The following ABHD2 variants were observed in gnomAD, a reference collection of about 807,000 sequenced individuals.
ABHD2 encodes monoacylglycerol lipase ABHD2.
In ABHD2, 20 loss-of-function variants were observed where a neutral mutation model predicts 48.1. The ratio of observed to expected loss-of-function variants is 0.42; its 90% CI spans 0.29 to 0.60. ABHD2 has a LOEUF of 0.60. Among genes scored for constraint, ABHD2 ranks in the 20% least tolerant of loss-of-function variants. ABHD2 has a pLI of 0.24. For missense variants in ABHD2, 405 were observed against 550.9 expected, an observed-to-expected ratio of 0.74 and a Z score of 2.65; for synonymous variants, 209 against 214.2, an observed-to-expected ratio of 0.98 and a Z score of 0.21.
rs1805769186 is a variant in ABHD2 at position 89,201,057 on chromosome 15, G to T, written c.*5634G>T. On this transcript the variant is annotated 3_prime_UTR_variant, in exon 11 of 11. Transcript: ENST00000352732. The stretch of plus-strand genomic sequence containing the variant: ...AGATCACGCCTCTGCACTCCAGCCT[G>T]GGCAACAAGAGTGAGACTCCGTCTC... The T allele has an allele frequency of 2.6e-6, 2 of 759,536 alleles. No homozygotes were observed. The highest frequency in any genetic ancestry group is 1.7e-5 in the African/African-American group (1 of 57,634). The allele number at this position is 759,536 out of a possible 1,614,324, so 47.0% of individuals were successfully genotyped here. A position where few individuals can be genotyped will look rare whatever the true frequency, so the allele number is the denominator to read the frequency against.
the ABHD2 span, among the ~76,000 whole-genome samples, chr15:89,080,840 G>A: frequency 6.6e-5 from 10 of 152,032 alleles, no homozygotes; most frequent in Non-Finnish European, 5.9e-5. Context: ...GATTACAGGC[G>A]TGAGCCACCA....
chr15:89,054,002 C>T, the ABHD2 span, among the ~76,000 whole-genome samples: 363 of 152,184 alleles, frequency 2.4e-3, no homozygotes, highest in African/African-American at 8.5e-3. Flanking sequence ...GCTGCAGAGG[C>T]AGTAGAAAAC....
At chr15:89,113,926 G>A (rs1392089046) in intron 2 of ABHD2, 102 bp downstream of exon 2, 1 of 152,190 alleles carries the variant, frequency 6.6e-6, no homozygotes, top group African/African-American at 2.4e-5. Context: ...AATTCAACAA[G>A]TCCACCCCAA....
At chr15:89,149,816 G>A (rs1274103830) in intron 3 of ABHD2, among the ~76,000 whole-genome samples, 1 of 152,254 alleles carries the variant, frequency 6.6e-6, no homozygotes, top group African/African-American at 2.4e-5. Flanking sequence ...GCGAGTACCA[G>A]GGTGTAGCCG....
chr15:89,065,282 G>A, the ABHD2 span, among the ~76,000 whole-genome samples: 42 of 152,138 alleles, frequency 2.8e-4, 1 homozygote, highest in South Asian at 2.1e-4. Flanking sequence ...CCATCCACCC[G>A]TTATGGCAAA....
intron 2 of ABHD2, among the ~76,000 whole-genome samples, chr15:89,115,313 A>G (rs949724958): frequency 6.7e-6 from 1 of 149,462 alleles, no homozygotes; most frequent in Non-Finnish European, 1.5e-5. Flanking sequence ...AAAATACTGG[A>G]TTTTTGTTGC....
chr15:89,201,377 A>G lies in ABHD2; in HGVS notation c.*5954A>G. ...GTCTTGCTTAGATGCATTCAGTGGG[A>G]CAGCTTTGCTGGGTTCCATGTCATT... is the stretch of plus-strand genomic sequence containing the variant. On this transcript the variant is annotated 3_prime_UTR_variant, in exon 11 of 11. Transcript: ENST00000352732. The G allele has an allele frequency of 1.8e-6, 2 of 1,100,574 alleles. No homozygotes were observed. Among genetic ancestry groups the G allele is most frequent in the Non-Finnish European group, 2.8e-6 (2 of 725,472 alleles). The allele number at this position is 1,100,574 out of a possible 1,614,324, so 68.2% of individuals were successfully genotyped here. A position where few individuals can be genotyped will look rare whatever the true frequency, so the allele number is the denominator to read the frequency against.
At chr15:89,158,032 A>C (rs1412942079) in intron 5 of ABHD2, among the ~76,000 whole-genome samples, 1 of 152,016 alleles carries the variant, frequency 6.6e-6, no homozygotes, top group East Asian at 1.9e-4. Flanking sequence ...TGTCTATACA[A>C]GTAGAAGATG....
chr15:89,127,074 C>T (rs2050140784), intron 3 of ABHD2, among the ~76,000 whole-genome samples: 1 of 152,174 alleles, frequency 6.6e-6, no homozygotes. Context: ...AGTAGTCAGA[C>T]TGAGAAGTGC....
Position 89,151,045 on chromosome 15 carries a change from G to A in ABHD2, c.195-632G>A, listed in dbSNP as rs530809463. Among the ~76,000 whole-genome samples, 6 of 152,350 alleles carry A rather than the reference G, an allele frequency of 3.9e-5. No individual in the cohort carries two copies. Among genetic ancestry groups the A allele is most frequent in the South Asian group, 2.1e-4 (1 of 4,830 alleles). ...TTGTTAGCGAGGCTTCATGCCTTGC[G>A]TAGGCTAACAAGCCTTTATCCTTAA... On this transcript the variant is annotated intron_variant, in intron 3 of 10. Transcript: ENST00000352732. This position sits in a 1 kb window ranked among gnomAD's most constrained non-coding sequence, Gnocchi z 4.7.
At chr15:89,115,456 C>T (rs2049944311) in intron 2 of ABHD2, among the ~76,000 whole-genome samples, 1 of 145,452 alleles carries the variant, frequency 6.9e-6, no homozygotes, top group South Asian at 2.2e-4. Context: ...AAAGTTACTT[C>T]AAAAGAGAAA....
rs1462977946 is a variant in ABHD2 at position 89,164,367 on chromosome 15, A to G, written c.538+8833A>G. 6.6e-6 allele frequency among the ~76,000 whole-genome samples: 1 copy of G among 152,148 alleles called. No individual in the cohort carries two copies. The highest frequency in any genetic ancestry group is 2.4e-5 in the African/African-American group (1 of 41,432). The stretch of plus-strand genomic sequence containing the variant: ...ATATTATTGTGTGTTAATCTCCTCC[A>G]TCTAGTGTATCACTTAGAGAGAGAT... On this transcript the variant is annotated intron_variant, in intron 5 of 10. Coordinates refer to ENST00000352732, the MANE Select transcript of ABHD2 (RefSeq NM_152924.5). The surrounding 1 kb of genome is among the most constrained non-coding windows in gnomAD (Gnocchi z 5.0).
At position 89,201,777 on chromosome 15, in the gene ABHD2, G is replaced by A. The variant is rs549981456; in HGVS notation, c.*6354G>A. The stretch of plus-strand genomic sequence containing the variant: ...GAGGACCAGGATCTGCTCGTGCTTC[G>A]CCGTGGCCCCGGAGGCAGACGCCAT... On this transcript the variant is annotated 3_prime_UTR_variant, in exon 11 of 11. Transcript: ENST00000352732. The A allele has an allele frequency of 1.2e-4, 186 of 1,496,796 alleles. No homozygotes were observed. The highest frequency in any genetic ancestry group is 1.6e-4 in the Non-Finnish European group (174 of 1,075,524). 92.7% of individuals were successfully genotyped at this position (1,496,796 alleles called of 1,614,324 possible). A position where few individuals can be genotyped will look rare whatever the true frequency, so the allele number is the denominator to read the frequency against.
At chr15:89,056,536 A>G in the ABHD2 span, among the ~76,000 whole-genome samples, 151,606 of 152,194 alleles carry the variant, frequency 1, 75,524 homozygotes, top group Middle Eastern at 1. Flanking sequence ...CCAGCTACTC[A>G]GGAGGCTGAG....
chr15:89,136,738 A>G (rs1179290340), intron 3 of ABHD2, among the ~76,000 whole-genome samples: 1 of 152,194 alleles, frequency 6.6e-6, no homozygotes, highest in African/African-American at 2.4e-5. Context: ...ACATTTAGGT[A>G]TTTGAGTTTT....
rs2051458624 is a variant in ABHD2 at position 89,200,775 on chromosome 15, A to T, written c.*5352A>T. ...TCTGCATGCTTTGCTCTACAAGACG[A>T]ATTTCCCTAGAAAGAATCCAATGAA... On this transcript the variant is annotated 3_prime_UTR_variant, in exon 11 of 11. Transcript: ENST00000352732. 1 of 253,720 alleles carries T rather than the reference A, an allele frequency of 3.9e-6. No homozygotes were observed. Among genetic ancestry groups the T allele is most frequent in the Non-Finnish European group, 7.9e-6 (1 of 127,042 alleles). 15.7% of individuals were successfully genotyped at this position (253,720 alleles called of 1,614,324 possible).
intron 1 of ABHD2, among the ~76,000 whole-genome samples, chr15:89,110,918 AT>A (rs938250758): frequency 6.6e-6 from 1 of 152,054 alleles, no homozygotes; most frequent in African/African-American, 2.4e-5. Flanking sequence ...AAAGTCCCAC[AT>A]TTTTTTTAAA....
At chr15:89,153,647 T>C (rs1271918257) in intron 4 of ABHD2, among the ~76,000 whole-genome samples, 1 of 152,224 alleles carries the variant, frequency 6.6e-6, no homozygotes, top group Admixed American at 6.5e-5. Context: ...GTACCTAAGA[T>C]GTACTTTAAG....
the ABHD2 span, among the ~76,000 whole-genome samples, chr15:89,065,732 G>C: frequency 6.6e-6 from 1 of 152,064 alleles, no homozygotes; most frequent in Non-Finnish European, 1.5e-5. Context: ...TCTAGCTTTG[G>C]TTATCTTCAA....
Sources: allele counts gnomAD v4.1 joint callset (sites outside exome capture counted in the v4.1 genomes callset), GRCh38; gene constraint gnomAD v4.1.1; non-coding constraint Gnocchi (gnomAD v3.1); transcripts MANE v1.5; gene names NCBI Gene and HGNC (gene_info 2026-07-23, HGNC 2026-07-21).